Variants in PZP observed in about 807,000 individuals in gnomAD.
The protein encoded by PZP is pregnancy zone protein.
A neutral mutation model predicts 179.8 loss-of-function variants in PZP; 150 were observed. The observed-to-expected ratio is 0.83, with a 90% CI of 0.73 to 0.96. PZP has a LOEUF of 0.96. PZP is among the 40% of genes least tolerant of loss of function. The probability of loss-of-function intolerance (pLI) is 0.00; values close to 1 mark genes in which losing one functional copy is unlikely to be tolerated. For synonymous variants in PZP, 624 were observed against 652.3 expected (o/e 0.96, Z 0.66); for missense variants, 1,689 against 1,764.0 (o/e 0.96, Z 0.76).
At chr12:9,162,485 C>T in intron 22 of PZP, 112 bp downstream of exon 22, 1 of 785,006 alleles carries the variant, frequency 1.3e-6, no homozygotes, top group South Asian at 1.7e-5. Flanking sequence ...ATTATGCTGA[C>T]TTTCATGGAA....
At position 9,203,824 on chromosome 12, in the gene PZP, T is replaced by C. The variant is rs1322407862; in HGVS notation, c.211A>G (p.Ser71Gly). ...TCCGCCACCAGGTCAGTGAAGAGGC[T>C]CCTGTTTTCCCTGCCAGACTCCAAG... The part of the protein sequence containing the change: ...ASLESGRENR[S>G]LFTDLVAEKD... Residue 71 changes from serine (S) to glycine (G), a missense_variant, in exon 2 of 36, where the codon AGC becomes GGC. This residue lies in a region of PZP where 742 missense variants were observed against 730.5 expected (regional missense o/e 1.02). Coordinates refer to ENST00000261336, the MANE Select transcript of PZP (RefSeq NM_002864.3). The C allele has an allele frequency of 6.2e-7, 1 of 1,613,940 alleles. No individual in the cohort carries two copies. Among genetic ancestry groups the C allele is most frequent in the African/African-American group, 1.3e-5 (1 of 74,890 alleles).
chr12:9,138,593 G>A, the PZP span, among the ~76,000 whole-genome samples: 2 of 151,830 alleles, frequency 1.3e-5, no homozygotes, highest in African/African-American at 2.4e-5. Flanking sequence ...TTAAAAAAAT[G>A]TGTATTAGAA....
rs1230267334 is a variant in PZP, at chr12:9,157,328, A to G, written c.3397T>C (p.Cys1133Arg). The G allele has an allele frequency of 6.2e-7, 1 of 1,613,996 alleles. No individual in the cohort carries two copies. The highest frequency in any genetic ancestry group is 1.7e-4 in the Middle Eastern group (1 of 6,050). Residue 1133 changes from cysteine to arginine, a missense_variant, in exon 28 of 36, where the codon TGC becomes CGC. By Grantham distance (180) the Cys-to-Arg change is radical. This residue lies in a region of PZP where 746 missense variants were observed against 749.2 expected (regional missense o/e 1.00). Coordinates refer to ENST00000261336, the MANE Select transcript of PZP (RefSeq NM_002864.3). ...GCTACATTCCAGGCTGACTCCAGGC[A>G]GAACAGGGCATTGCGAACAATAGGG... is the stretch of plus-strand genomic sequence containing the variant. ...TNPIVRNALF[C>R]LESAWNVAKE...
At chr12:9,161,216 A>G in intron 22 of PZP, 100 bp from the exon 23 acceptor site, 1 of 1,002,292 alleles carries the variant, frequency 1.0e-6, no homozygotes, top group Non-Finnish European at 1.5e-6. Flanking sequence ...CACTCCCTGG[A>G]TATGGTACTG....
At chr12:9,151,030 G>A (rs1342155970) in intron 33 of PZP, among the ~76,000 whole-genome samples, 1 of 152,146 alleles carries the variant, frequency 6.6e-6, no homozygotes, top group African/African-American at 2.4e-5. Context: ...TTCTAAGCTG[G>A]AGAAACATGG....
At chr12:9,185,826 C>CTTTTCTTTTCTTTTCTTTTCTT (rs1943075938) in intron 13 of PZP, among the ~76,000 whole-genome samples, 4 of 31,064 alleles carry the variant, frequency 1.3e-4, no homozygotes, top group African/African-American at 4.9e-4. Context: ...TTTTTTTTTT[C>CTTTTCTTTTCTTTTCTTTTCTT]TTGACAGAGT....
intron 13 of PZP, among the ~76,000 whole-genome samples, chr12:9,187,215 A>AAG (rs2121047693): frequency 6.6e-6 from 1 of 152,248 alleles, no homozygotes; most frequent in South Asian, 2.1e-4. Flanking sequence ...GAGACCTTCA[A>AAG]AGAGACTCAG....
At chr12:9,142,339 T>C in the PZP span, among the ~76,000 whole-genome samples, 1 of 152,218 alleles carries the variant, frequency 6.6e-6, no homozygotes, top group East Asian at 1.9e-4. Context: ...CAAAGATTAT[T>C]CTGTTTGGGC....
intron 15 of PZP, among the ~76,000 whole-genome samples, chr12:9,180,070 G>A (rs1942654312): frequency 6.6e-6 from 1 of 152,142 alleles, no homozygotes. Flanking sequence ...AAACTATCAA[G>A]TACTCGGCAA....
chr12:9,207,801 T>C (rs1944512751), intron 1 of PZP, among the ~76,000 whole-genome samples: 1 of 152,196 alleles, frequency 6.6e-6, no homozygotes, highest in African/African-American at 2.4e-5. Flanking sequence ...TACAACTGGA[T>C]AGGGTTAAAA....
chr12:9,154,620 G>C lies in PZP; in HGVS notation c.3770C>G (p.Thr1257Ser). Residue 1257 changes from threonine (T) to serine (S), a missense_variant, in exon 29 of 36, where the codon ACC becomes AGC. Physicochemically the swap from Thr to Ser is moderately conservative, Grantham distance 58. Coordinates refer to ENST00000261336, the MANE Select transcript of PZP (RefSeq NM_002864.3). ...GACTCTTTGGGAACCACTGACCTGG[G>C]TGGAGGAGAAACCACCTTGGGCGTT... Reference protein sequence around the residue: ...QQNAQGGFSSTQDTVVALHAL... With the variant: ...QQNAQGGFSSSQDTVVALHAL... 1 of 1,614,010 alleles carries C rather than the reference G, an allele frequency of 6.2e-7. No individual in the cohort carries two copies. Among genetic ancestry groups the C allele is most frequent in the Non-Finnish European group, 8.5e-7 (1 of 1,179,928 alleles).
At chr12:9,178,669 C>T (rs774590608) in intron 15 of PZP, among the ~76,000 whole-genome samples, 4 of 152,246 alleles carry the variant, frequency 2.6e-5, no homozygotes, top group South Asian at 2.1e-4. Context: ...GGCTACAGCA[C>T]GCGATAAGTG....
intron 13 of PZP, among the ~76,000 whole-genome samples, chr12:9,186,519 G>T (rs1202904329): frequency 6.6e-6 from 1 of 152,104 alleles, no homozygotes; most frequent in Non-Finnish European, 1.5e-5. Context: ...CATCTCACAT[G>T]CAATGACACT....
intron 23 of PZP, among the ~76,000 whole-genome samples, chr12:9,160,752 A>G (rs1009148487): frequency 3.3e-5 from 5 of 152,096 alleles, no homozygotes; most frequent in Non-Finnish European, 7.4e-5. Flanking sequence ...GTCTCTACTA[A>G]AAATACAAAA....
At chr12:9,152,060 G>A (rs1320607892) in intron 32 of PZP, among the ~76,000 whole-genome samples, 160 bp downstream of exon 32, 1 of 152,120 alleles carries the variant, frequency 6.6e-6, no homozygotes, top group Non-Finnish European at 1.5e-5. Context: ...ATGTCCCTTA[G>A]CTTACGGCCA....
chr12:9,161,185 G>A (rs1941178219), intron 22 of PZP, 69 bp from the exon 23 acceptor site: 2 of 1,314,640 alleles, frequency 1.5e-6, no homozygotes, highest in East Asian at 4.7e-5. Context: ...TGATTATAAT[G>A]TAGTGAGAGC....
downstream of PZP, among the ~76,000 whole-genome samples, chr12:9,145,746 C>T (rs1043327451): frequency 6.6e-6 from 1 of 152,148 alleles, no homozygotes; most frequent in Admixed American, 6.5e-5. Flanking sequence ...GATGAACTCC[C>T]TCAGCTTTCG....
At position 9,208,365 on chromosome 12, in the gene PZP, G is replaced by A. The variant is rs965625707; in HGVS notation, c.-24C>T. ...ATTGTGAGGGATAAATCTCAGGGTT[G>A]TGTCCAACTCTCTGCCCTCAGCCTC... On this transcript the variant is annotated 5_prime_UTR_variant, in exon 1 of 36. Transcript: ENST00000261336. The A allele has an allele frequency of 2.5e-6, 4 of 1,591,420 alleles. No individual in the cohort carries two copies. The highest frequency in any genetic ancestry group is 4.5e-5 in the East Asian group (2 of 44,706).
chr12:9,160,383 T>C lies in PZP; in HGVS notation c.2980A>G (p.Asn994Asp), dbSNP rs752914473. 1.7e-5 allele frequency: 28 copies of C among 1,614,052 alleles called. No individual in the cohort carries two copies. Among genetic ancestry groups the C allele is most frequent in the Non-Finnish European group, 2.1e-5 (25 of 1,180,020 alleles). The change falls in exon 24 of 36, where the codon AAC becomes GAC. Residue 994 changes from asparagine to aspartate, a missense_variant. Asn to Asp is a conservative substitution (Grantham distance 23). This residue lies in a region of PZP where 746 missense variants were observed against 749.2 expected (regional missense o/e 1.00). Coordinates refer to ENST00000261336, the MANE Select transcript of PZP (RefSeq NM_002864.3). ...VLFAPNIYVL[N>D]YLNETQQLTQ... Reference sequence around the variant, plus strand: ...AGCTGCTGGGTTTCATTCAGATAGTTCAAGACATAGATGTTAGGAGCAAAT... The same window carrying C: ...AGCTGCTGGGTTTCATTCAGATAGTCCAAGACATAGATGTTAGGAGCAAAT...
Sources: gnomAD v4.1 joint callset for allele counts (sites outside exome capture counted in the v4.1 genomes callset) on GRCh38, gnomAD v4.1.1 for gene constraint, gnomAD v4.1.1 regional missense constraint, MANE v1.5 for transcripts, NCBI Gene and HGNC (gene_info 2026-07-23, HGNC 2026-07-21) for gene names.